The following AGBL1 variants were observed in gnomAD, a reference collection of about 807,000 sequenced individuals.
The protein encoded by AGBL1 is AGBL carboxypeptidase 1.
A neutral mutation model predicts 118.9 loss-of-function variants in AGBL1; 130 were observed. The observed-to-expected ratio is 1.09, with a 90% CI of 0.95 to 1.26. The LOEUF is 1.26. Among genes scored for constraint, AGBL1 ranks in the 50% most tolerant of loss-of-function variants. The pLI is 0.00. For missense variants in AGBL1, 1,584 were observed against 1,298.1 expected (o/e 1.22, Z -3.38); for synonymous variants, 555 against 478.9 (o/e 1.16, Z -2.08).
rs561138289 is a variant in AGBL1, at chr15:86,891,138, T to C, written c.3159-15949T>C. 6.6e-5 allele frequency among the ~76,000 whole-genome samples: 10 copies of C among 152,222 alleles called. No homozygotes were observed. In the East Asian group the frequency reaches 1.7e-3, roughly 27 times the overall value. ...TGTATTCCTAGGTATTTTATTCTTT[T>C]TGTAGTAATTGTGAATGGGAGTTCG... On this transcript the variant is annotated intron_variant, in intron 22 of 22. Transcript: ENST00000614907.
At chr15:86,712,972 A>G (rs2086584127) in intron 22 of AGBL1, among the ~76,000 whole-genome samples, 1 of 152,040 alleles carries the variant, frequency 6.6e-6, no homozygotes, top group African/African-American at 2.4e-5. Context: ...CCCCCTTCCT[A>G]TGTGATAATG....
intron 17 of AGBL1, among the ~76,000 whole-genome samples, chr15:86,328,868 A>C (rs1363557868): frequency 2.6e-5 from 4 of 152,228 alleles, no homozygotes; most frequent in Non-Finnish European, 4.4e-5. Context: ...GACCAAGGAC[A>C]GGACACCGTT....
At chr15:86,553,572 GCTT>G (rs1254310379) in intron 20 of AGBL1, among the ~76,000 whole-genome samples, 1 of 152,192 alleles carries the variant, frequency 6.6e-6, no homozygotes, top group Admixed American at 6.5e-5. Flanking sequence ...AACTATATGT[GCTT>G]CTTCTCTAGA....
chr15:86,896,276 T>C (rs2080124655), intron 22 of AGBL1, among the ~76,000 whole-genome samples: 1 of 152,148 alleles, frequency 6.6e-6, no homozygotes, highest in South Asian at 2.1e-4. Context: ...TTTTCGTATC[T>C]GCTGAGTCTT....
chr15:86,417,518 G>C (rs1220919145), intron 18 of AGBL1, among the ~76,000 whole-genome samples: 3 of 152,210 alleles, frequency 2.0e-5, no homozygotes, highest in Admixed American at 1.3e-4. Context: ...AACAGAGCAA[G>C]CTGTTTACAG....
At chr15:86,960,799 C>A (rs2080985101) in intron 23 of AGBL1, among the ~76,000 whole-genome samples, 1 of 152,038 alleles carries the variant, frequency 6.6e-6, no homozygotes, top group African/African-American at 2.4e-5. Flanking sequence ...ATGGATGAAC[C>A]TGAATGACAT....
downstream of AGBL1, chr15:87,029,071 A>C: frequency 2.1e-6 from 1 of 486,408 alleles, no homozygotes; most frequent in Non-Finnish European, 3.7e-6. Context: ...AGTTCTCTGA[A>C]CCTAGAACAG....
At chr15:86,093,698 C>G (rs1020818361) in intron 1 of AGBL1, among the ~76,000 whole-genome samples, 1 of 152,156 alleles carries the variant, frequency 6.6e-6, no homozygotes, top group Non-Finnish European at 1.5e-5. Context: ...AATTGAAAAT[C>G]AGGTCATAAG....
chr15:86,578,412 T>A lies in AGBL1; in HGVS notation c.2994+23875T>A, dbSNP rs565495646. 2.6e-5 allele frequency among the ~76,000 whole-genome samples: 4 copies of A among 152,326 alleles called. No homozygotes were observed. The East Asian group carries it at 7.7e-4, about 29-fold the overall frequency. On this transcript the variant is annotated intron_variant, in intron 21 of 22. Coordinates refer to ENST00000614907, the MANE Select transcript of AGBL1 (RefSeq NM_001386094.1). ...ACTTGCTTTTGATTTTACTGGCTCA[T>A]AGCCAGAAGGGACTTGCCTTGTCTC... is the stretch of plus-strand genomic sequence containing the variant.
Position 86,269,838 on chromosome 15 carries a change from T to C in AGBL1, c.1839-81T>C, listed in dbSNP as rs1043414162. ...GGTCTTAGATCTGTAACCCAGAAACTGAAACGTGTAGATTCTTAGTGTCTG... is the reference window on the plus strand; with the variant it reads ...GGTCTTAGATCTGTAACCCAGAAACCGAAACGTGTAGATTCTTAGTGTCTG... On this transcript the variant is annotated intron_variant, in intron 13 of 22. Coordinates refer to ENST00000614907, the MANE Select transcript of AGBL1 (RefSeq NM_001386094.1). The C allele has an allele frequency of 3.4e-6, 5 of 1,491,392 alleles. No individual in the cohort carries two copies. In the African/African-American group the frequency reaches 7.0e-5, roughly 21 times the overall value. The allele number at this position is 1,491,392 out of a possible 1,614,324, so 92.4% of individuals were successfully genotyped here. A position where few individuals can be genotyped will look rare whatever the true frequency, so the allele number is the denominator to read the frequency against.
rs771829983 is a variant in AGBL1, at chr15:86,154,438, A to G, written c.271A>G (p.Ile91Val). The G allele has an allele frequency of 2.5e-6, 4 of 1,612,150 alleles. No homozygotes were observed. The highest frequency in any genetic ancestry group is 1.3e-5 in the African/African-American group (1 of 74,892). Residue 91 changes from isoleucine (I) to valine (V), a missense_variant, in exon 4 of 23, where the codon ATT (isoleucine) becomes GTT (valine). Transcript: ENST00000614907. ...TTGATTTGTGTTCTTAGATAAAAAG[A>G]TTGGACGGAAGGCCCTAGAATTGGA... Reference protein sequence around the residue: ...LAKVGLRDKKIGRKALELEAL... With the variant: ...LAKVGLRDKKVGRKALELEAL...
At chr15:86,577,904 G>T (rs1414745631) in intron 21 of AGBL1, among the ~76,000 whole-genome samples, 1 of 152,220 alleles carries the variant, frequency 6.6e-6, no homozygotes, top group African/African-American at 2.4e-5. Flanking sequence ...CCAGGTAGAA[G>T]TTTGCTGCAG....
At chr15:86,564,515 G>A (rs1012459964) in intron 21 of AGBL1, among the ~76,000 whole-genome samples, 1 of 152,116 alleles carries the variant, frequency 6.6e-6, no homozygotes, top group Admixed American at 6.5e-5. Flanking sequence ...TAGTCTGATG[G>A]GCTTCCCTTT....
At chr15:86,941,972 G>A (rs552459333) in intron 23 of AGBL1, among the ~76,000 whole-genome samples, 2 of 152,322 alleles carry the variant, frequency 1.3e-5, no homozygotes, top group East Asian at 3.9e-4. Flanking sequence ...TAAAAAGGGT[G>A]ATATTGGAAC....
intron 17 of AGBL1, among the ~76,000 whole-genome samples, chr15:86,320,019 A>G (rs1278105275): frequency 6.6e-6 from 1 of 151,978 alleles, no homozygotes; most frequent in African/African-American, 2.4e-5. Context: ...GGCCTCCCAA[A>G]GTGCTGGGAT....
intron 17 of AGBL1, among the ~76,000 whole-genome samples, chr15:86,386,701 T>C (rs2081201296): frequency 6.6e-6 from 1 of 152,072 alleles, no homozygotes; most frequent in South Asian, 2.1e-4. Context: ...TACCTCCCTC[T>C]GCTTTAAGTA....
chr15:86,252,492 C>T (rs971814563), intron 7 of AGBL1, among the ~76,000 whole-genome samples: 1 of 152,110 alleles, frequency 6.6e-6, no homozygotes, highest in African/African-American at 2.4e-5. Context: ...TGATAGAGGA[C>T]TCATCATCTT....
intron 4 of AGBL1, among the ~76,000 whole-genome samples, chr15:86,157,288 C>A (rs2077205465): frequency 6.6e-6 from 1 of 152,140 alleles, no homozygotes; most frequent in Non-Finnish European, 1.5e-5. Flanking sequence ...ATACACCCAT[C>A]TCTAATAAAG....
intron 22 of AGBL1, among the ~76,000 whole-genome samples, chr15:86,905,042 G>A (rs1322932712): frequency 6.6e-6 from 1 of 152,120 alleles, no homozygotes; most frequent in Non-Finnish European, 1.5e-5. Context: ...ATTAAGAGAT[G>A]GAGTTATCAA....
Sources: gnomAD v4.1 joint callset for allele counts (sites outside exome capture counted in the v4.1 genomes callset) on GRCh38, gnomAD v4.1.1 for gene constraint, MANE v1.5 for transcripts, NCBI Gene and HGNC (gene_info 2026-07-23, HGNC 2026-07-21) for gene names.